The following PLK5 variants were observed in gnomAD, a reference collection of about 807,000 sequenced individuals.
PLK5 encodes the protein inactive serine/threonine-protein kinase PLK5.
Under a neutral mutation model 33.7 loss-of-function variants are expected in PLK5, and 28 were observed. That is an observed-to-expected ratio of 0.83 (90% CI 0.62 to 1.14). The LOEUF (loss-of-function observed/expected upper bound fraction) is 1.14, where lower values mean the gene tolerates loss of function less well. Among genes scored for constraint, PLK5 ranks in the 50% most tolerant of loss-of-function variants. The pLI is 0.00. For synonymous variants in PLK5, 225 were observed against 202.2 expected, an observed-to-expected ratio of 1.11 and a Z score of -0.96; for missense variants, 492 against 461.5, an observed-to-expected ratio of 1.07 and a Z score of -0.61.
intron 6 of PLK5, 37 bp downstream of exon 6, chr19:1,527,035 G>T: frequency 7.4e-7 from 1 of 1,357,234 alleles, no homozygotes; most frequent in East Asian, 2.7e-5. Context: ...CAGGGCCTCC[G>T]GGGGGGGCAG....
At position 1,535,322 on chromosome 19, in the gene PLK5, C is replaced by G. The variant is rs1250760523; in HGVS notation, c.*72C>G. ...CCAGGCTCCATTTCCATTCCTGTGG[C>G]TCCCCCAGAGGGGCTGTCCTGGGGG... On this transcript the variant is annotated 3_prime_UTR_variant, in exon 14 of 14. Coordinates refer to ENST00000454744, the MANE Select transcript of PLK5 (RefSeq NM_001243079.2). The G allele has an allele frequency of 6.9e-7, 1 of 1,458,098 alleles. No homozygotes were observed. The highest frequency in any genetic ancestry group is 9.1e-7 in the Non-Finnish European group (1 of 1,096,824). The allele number at this position is 1,458,098 out of a possible 1,614,324, so 90.3% of individuals were successfully genotyped here.
intron 13 of PLK5, among the ~76,000 whole-genome samples, chr19:1,534,568 G>A (rs1914033581): frequency 6.6e-6 from 1 of 150,484 alleles, no homozygotes; most frequent in Admixed American, 6.6e-5. Flanking sequence ...CACTTTGGGA[G>A]GCCGAGGTGG....
intron 9 of PLK5, 123 bp downstream of exon 9, chr19:1,529,097 T>TC: frequency 1.3e-6 from 1 of 770,972 alleles, no homozygotes; most frequent in Non-Finnish European, 2.0e-6. Flanking sequence ...CCCGGCCCCC[T>TC]CCCCCTAGTC....
At chr19:1,531,366 G>T (rs142610325) in intron 11 of PLK5, among the ~76,000 whole-genome samples, 2 of 152,094 alleles carry the variant, frequency 1.3e-5, no homozygotes, top group Admixed American at 6.6e-5. Context: ...CCGAGATTGC[G>T]CCACTGCACT....
intron 12 of PLK5, among the ~76,000 whole-genome samples, chr19:1,532,843 T>G (rs1225486570): frequency 6.6e-6 from 1 of 151,938 alleles, no homozygotes; most frequent in Non-Finnish European, 1.5e-5. Context: ...ATTTTTTGTA[T>G]TTTTAGTAGA....
chr19:1,530,741 T>G (rs1372068940), intron 11 of PLK5, among the ~76,000 whole-genome samples: 1 of 143,200 alleles, frequency 7.0e-6, no homozygotes, highest in Non-Finnish European at 1.5e-5. Context: ...TGCCTCAGCC[T>G]CCCCAGCAGC....
rs1288556939 is a variant in PLK5, at chr19:1,524,443, T to TCGTGTCCGTGGGTTG, written c.-544+206_-544+220dup. On this transcript the variant is annotated intron_variant, in intron 1 of 13. Transcript: ENST00000454744. This position sits in a 1 kb window ranked among gnomAD's most constrained non-coding sequence, Gnocchi z 4.5. ...GGAACCGTGTTGAGCGCGCTGTGCGTCGTGTCCGTGGGTTGCGTGTCCGGG... is the reference window on the plus strand; with the variant it reads ...GGAACCGTGTTGAGCGCGCTGTGCGTCGTGTCCGTGGGTTGCGTGTCCGTGGGTTGCGTGTCCGGG... Among the ~76,000 whole-genome samples, 1 of 151,814 alleles carries TCGTGTCCGTGGGTTG rather than the reference T, an allele frequency of 6.6e-6. No individual in the cohort carries two copies. The highest frequency in any genetic ancestry group is 1.5e-5 in the Non-Finnish European group (1 of 67,884).
chr19:1,531,873 C>T lies in PLK5; in HGVS notation c.704C>T (p.Thr235Ile), dbSNP rs1414234881. 5 of 1,486,932 alleles carry T rather than the reference C, an allele frequency of 3.4e-6. No homozygotes were observed. In the African/African-American group the frequency reaches 4.2e-5, roughly 13 times the overall value. 92.1% of individuals were successfully genotyped at this position (1,486,932 alleles called of 1,614,324 possible). ...RTGRHPHGPATPRREGTLPTP... is the reference protein window; with the variant it reads ...RTGRHPHGPAIPRREGTLPTP... The stretch of plus-strand genomic sequence containing the variant: ...GGACGGCACCCACATGGCCCTGCGA[C>T]CCCCCGGAGGGTAAGTTGTGGCCTC... The change falls in exon 12 of 14, where the codon ACC becomes ATC. Residue 235 changes from threonine (T) to isoleucine (I), a missense_variant. Physicochemically the swap from Thr to Ile is moderately conservative, Grantham distance 89. Transcript: ENST00000454744.
intron 11 of PLK5, 141 bp downstream of exon 11, chr19:1,529,965 A>T (rs1372810820): frequency 3.5e-6 from 3 of 865,094 alleles, no homozygotes; most frequent in Non-Finnish European, 5.2e-6. Context: ...CGGTGACATC[A>T]GGAGAGTGGG....
At chr19:1,534,814 T>A (rs1914045968) in intron 13 of PLK5, among the ~76,000 whole-genome samples, 1 of 123,488 alleles carries the variant, frequency 8.1e-6, no homozygotes, top group Admixed American at 8.0e-5. Context: ...AGGACTCTGT[T>A]TAAAAAAAAA....
intron 7 of PLK5, 57 bp downstream of exon 7, chr19:1,528,191 G>A: frequency 3.3e-6 from 5 of 1,492,598 alleles, no homozygotes; most frequent in Non-Finnish European, 4.4e-6. Context: ...CAGGTGATGA[G>A]CCAGAGCCTG....
At chr19:1,530,498 C>T (rs1259247788) in intron 11 of PLK5, among the ~76,000 whole-genome samples, 1 of 151,656 alleles carries the variant, frequency 6.6e-6, no homozygotes, top group Admixed American at 6.6e-5. Flanking sequence ...AGGGTTTCAC[C>T]ATGTTGGCCA....
At position 1,528,126 on chromosome 19, in the gene PLK5, T is replaced by A. The variant is rs1267466526; in HGVS notation, c.193T>A (p.Phe65Ile). ...GGACCACCTGCTGCAGGACGACTTC[T>A]TCACACAGGTGGGCGGCGGTCCTCG... Reference protein sequence around the residue: ...SLDHLLQDDFFTQGFTPDRLP... With the variant: ...SLDHLLQDDFITQGFTPDRLP... The change falls in exon 7 of 14, where the codon TTC (phenylalanine) becomes ATC (isoleucine). Residue 65 changes from phenylalanine (F) to isoleucine (I), a missense_variant. Coordinates refer to ENST00000454744, the MANE Select transcript of PLK5 (RefSeq NM_001243079.2). 6.6e-7 allele frequency: 1 copy of A among 1,525,424 alleles called. No homozygotes were observed. Among genetic ancestry groups the A allele is most frequent in the African/African-American group, 1.4e-5 (1 of 72,268 alleles). 94.5% of individuals were successfully genotyped at this position (1,525,424 alleles called of 1,614,324 possible). A position where few individuals can be genotyped will look rare whatever the true frequency, so the allele number is the denominator to read the frequency against.
chr19:1,531,165 C>T (rs1874970969), intron 11 of PLK5, among the ~76,000 whole-genome samples: 1 of 151,738 alleles, frequency 6.6e-6, no homozygotes, highest in African/African-American at 2.4e-5. Flanking sequence ...CATCCCAGCA[C>T]TTTGGGAGGC....
Position 1,529,825 on chromosome 19 carries a change from G to A in PLK5, c.568+1G>A, listed in dbSNP as rs542438976. On this transcript the variant is annotated splice_donor_variant, in intron 11 of 13. Coordinates refer to ENST00000454744, the MANE Select transcript of PLK5 (RefSeq NM_001243079.2). LOFTEE classifies it high-confidence loss of function. ...CTGTGCCTGGATGTAGGCCCCCCGG[G>A]TAGGAGCCGGCCCAGCCCCCAGGAT... 2 of 1,535,458 alleles carry A rather than the reference G, an allele frequency of 1.3e-6. No homozygotes were observed. The highest frequency in any genetic ancestry group is 1.2e-5 in the South Asian group (1 of 83,996).
At chr19:1,534,154 G>GC in intron 13 of PLK5, 113 bp downstream of exon 13, 3 of 462,072 alleles carry the variant, frequency 6.5e-6, no homozygotes, top group Non-Finnish European at 1.0e-5. Flanking sequence ...TTGCCTCCCA[G>GC]GAAAAAAAAA....
chr19:1,528,048 C>A lies in PLK5; in HGVS notation c.115C>A (p.Arg39Ser). ...ACCCGCTCACCTGTCTGCCAATGCG[C>A]GCCGCCTCATCGTGCACCTCCTAGC... is the stretch of plus-strand genomic sequence containing the variant. ...PEPAHLSANA[R>S]RLIVHLLAPN... The change falls in exon 7 of 14, where the codon CGC becomes AGC. Residue 39 changes from arginine (R) to serine (S), a missense_variant. Coordinates refer to ENST00000454744, the MANE Select transcript of PLK5 (RefSeq NM_001243079.2). The A allele has an allele frequency of 6.5e-7, 1 of 1,536,110 alleles. No homozygotes were observed. The highest frequency in any genetic ancestry group is 1.4e-5 in the African/African-American group (1 of 73,154).
intron 9 of PLK5, 173 bp downstream of exon 9, chr19:1,529,147 A>G (rs936102019): frequency 7.4e-6 from 5 of 680,202 alleles, no homozygotes; most frequent in South Asian, 3.9e-5. Flanking sequence ...TTTGTGTCCA[A>G]ATGTGCCCAC....
At position 1,528,991 on chromosome 19, in the gene PLK5, G is replaced by A. The variant is rs1380814703; in HGVS notation, c.405+17G>A. 25 of 1,484,480 alleles carry A rather than the reference G, an allele frequency of 1.7e-5. No homozygotes were observed. Among genetic ancestry groups the A allele is most frequent in the Middle Eastern group, 1.8e-4 (1 of 5,574 alleles). 92.0% of individuals were successfully genotyped at this position (1,484,480 alleles called of 1,614,324 possible). ...GACGGCGAGGTGAGACATCGGGGTG[G>A]GGGACACGGGGAGACACAGGTGGAG... On this transcript the variant is annotated intron_variant, in intron 9 of 13. Transcript: ENST00000454744.
Sources: allele counts gnomAD v4.1 joint callset (sites outside exome capture counted in the v4.1 genomes callset), GRCh38; gene constraint gnomAD v4.1.1; non-coding constraint Gnocchi (gnomAD v3.1); transcripts MANE v1.5; gene names NCBI Gene and HGNC (gene_info 2026-07-23, HGNC 2026-07-21).